The following C5orf34 variants were observed in gnomAD, a reference collection of about 807,000 sequenced individuals.
C5orf34 encodes uncharacterized protein C5orf34.
In C5orf34, 73 loss-of-function variants were observed where a neutral mutation model predicts 78.4. The ratio of observed to expected loss-of-function variants is 0.93; its 90% CI spans 0.77 to 1.13. The LOEUF (loss-of-function observed/expected upper bound fraction) is 1.13, where lower values mean the gene tolerates loss of function less well. Among genes scored for constraint, C5orf34 ranks in the 50% most tolerant of loss-of-function variants. The pLI, the probability that C5orf34 is intolerant of heterozygous loss-of-function variation, is 0.00. For missense variants in C5orf34, 730 were observed against 732.7 expected, an observed-to-expected ratio of 1.00 and a Z score of 0.04; for synonymous variants, 251 against 246.6, an observed-to-expected ratio of 1.02 and a Z score of -0.17.
In C5orf34 at chr5:43,508,583, T is replaced by C; in HGVS notation, c.279A>G (p.Arg93=). Residue 93 remains arginine (R), a synonymous_variant, in exon 3 of 13, where the codon AGA becomes AGG. Coordinates refer to ENST00000306862, the MANE Select transcript of C5orf34 (RefSeq NM_198566.4). ...ATGAAGTTAAAAAAATCACCTTTTTTCTTTCAGAAGGTATGATGGTTTCAG... is the reference window on the plus strand; with the variant it reads ...ATGAAGTTAAAAAAATCACCTTTTTCCTTTCAGAAGGTATGATGGTTTCAG... ...FLSETIIPSE[R]KKHIFIDITE... is the part of the protein sequence containing the mutation. 6.3e-7 allele frequency: 1 copy of C among 1,585,344 alleles called. No individual in the cohort carries two copies.
intron 10 of C5orf34, among the ~76,000 whole-genome samples, chr5:43,492,004 CAAAAAAAAAA>C (rs34983529): frequency 1.2e-5 from 1 of 85,538 alleles, no homozygotes; most frequent in Non-Finnish European, 2.3e-5. Flanking sequence ...AACTCTGTCT[CAAAAAAAAAA>C]AAAAAAAAAA....
chr5:43,495,597 CT>C (rs1745476471), intron 6 of C5orf34: 1 of 1,612,522 alleles, frequency 6.2e-7, no homozygotes, highest in African/African-American at 1.3e-5. Context: ...GATTTTACTT[CT>C]GTTGTAATGT....
chr5:43,509,457 TAAG>T (rs1181160282), intron 1 of C5orf34, 82 bp from the exon 2 acceptor site: 7 of 722,650 alleles, frequency 9.7e-6, no homozygotes, highest in African/African-American at 5.4e-5. Flanking sequence ...GTGCATTTTC[TAAG>T]AAGATGACAT....
intron 11 of C5orf34, among the ~76,000 whole-genome samples, chr5:43,489,071 C>G (rs1745169486): frequency 6.6e-6 from 1 of 151,966 alleles, no homozygotes; most frequent in South Asian, 2.1e-4. Context: ...ACCCCAACAA[C>G]CAGCTGATTG....
intron 8 of C5orf34, among the ~76,000 whole-genome samples, 198 bp downstream of exon 8, chr5:43,493,345 A>C (rs1384136120): frequency 6.6e-6 from 1 of 152,112 alleles, no homozygotes; most frequent in South Asian, 2.1e-4. Flanking sequence ...AATAAGAACC[A>C]TATACAATAA....
intron 6 of C5orf34, 67 bp from the exon 7 acceptor site, chr5:43,494,668 T>C (rs1745423771): frequency 3.7e-6 from 3 of 804,568 alleles, no homozygotes; most frequent in Admixed American, 2.1e-5. Context: ...TTAGCTGCTT[T>C]TCCTTGAAAT....
chr5:43,497,323 A>C (rs1417288299), intron 6 of C5orf34, among the ~76,000 whole-genome samples: 2 of 152,222 alleles, frequency 1.3e-5, no homozygotes, highest in East Asian at 3.8e-4. Flanking sequence ...TGGAGCAGAT[A>C]CTATGCGCTA....
chr5:43,495,411 G>A, intron 6 of C5orf34: 3 of 1,611,616 alleles, frequency 1.9e-6, no homozygotes, highest in Non-Finnish European at 2.5e-6. Context: ...ATTTGGCCTG[G>A]ATGGTTCAGG....
intron 3 of C5orf34, 148 bp from the exon 4 acceptor site, chr5:43,506,542 C>A: frequency 2.9e-6 from 2 of 690,514 alleles, no homozygotes. Context: ...AGGGCCAGAT[C>A]TCAGCCTATA....
intron 1 of C5orf34, among the ~76,000 whole-genome samples, chr5:43,512,995 A>G (rs1292156514): frequency 6.6e-6 from 1 of 151,696 alleles, no homozygotes; most frequent in Admixed American, 6.6e-5. Context: ...TGTTGGCCAG[A>G]ATGGTCTGGA....
At chr5:43,489,718 G>C (rs988324697) in intron 11 of C5orf34, among the ~76,000 whole-genome samples, 4 of 152,074 alleles carry the variant, frequency 2.6e-5, no homozygotes, top group African/African-American at 4.8e-5. Flanking sequence ...GATATGATTT[G>C]ATTTGTTCTA....
intron 11 of C5orf34, chr5:43,488,224 T>C (rs906675927): frequency 1.4e-4 from 61 of 437,110 alleles, no homozygotes; most frequent in Non-Finnish European, 1.8e-4. Context: ...ATAATGGGCC[T>C]TCCTGTTACT....
At chr5:43,507,609 A>T (rs1406855045) in intron 3 of C5orf34, among the ~76,000 whole-genome samples, 1 of 152,244 alleles carries the variant, frequency 6.6e-6, no homozygotes, top group Non-Finnish European at 1.5e-5. Context: ...GAGACAATAT[A>T]AAATTACTCA....
At chr5:43,488,162 C>T in intron 11 of C5orf34, 1 of 536,798 alleles carries the variant, frequency 1.9e-6, no homozygotes, top group Non-Finnish European at 3.3e-6. Context: ...TAAAAGTCTA[C>T]CCCTTGTAAA....
chr5:43,504,474 GACTTA>G (rs1215824326), intron 4 of C5orf34, among the ~76,000 whole-genome samples: 1 of 152,132 alleles, frequency 6.6e-6, no homozygotes, highest in African/African-American at 2.4e-5. Flanking sequence ...AATTGTATAG[GACTTA>G]ACTTGTTTAG....
intron 6 of C5orf34, among the ~76,000 whole-genome samples, chr5:43,498,869 C>T (rs1471112147): frequency 1.3e-5 from 2 of 152,228 alleles, no homozygotes; most frequent in African/African-American, 4.8e-5. Flanking sequence ...GATCTGGCTT[C>T]TTCTCTGGAC....
In C5orf34 at chr5:43,506,229, CTT is replaced by C; in HGVS notation, c.449_450del (p.Lys150SerfsTer2). The C allele has an allele frequency of 6.2e-7, 1 of 1,614,164 alleles. No individual in the cohort carries two copies. Among genetic ancestry groups the C allele is most frequent in the Non-Finnish European group, 8.5e-7 (1 of 1,180,032 alleles). ...GCAGATGAGTCTGACTTCTGGCTAA[CTT>C]TACACAAAAAATGTACTGTAAATTC... ...QHEFTVHFLC[K>X]VSQKSDSSAV... On this transcript the variant is annotated frameshift_variant, in exon 4 of 13. Coordinates refer to ENST00000306862, the MANE Select transcript of C5orf34 (RefSeq NM_198566.4). LOFTEE classifies it high-confidence loss of function.
At position 43,496,169 on chromosome 5, in the gene C5orf34, T is replaced by G. The variant is rs1745509124; in HGVS notation, c.1153-1568A>C. The stretch of plus-strand genomic sequence containing the variant: ...GTAATCATGTTTTTGATGAAGTCTC[T>G]GAGTCCTGGGGCATCAATGATAGTC... On this transcript the variant is annotated intron_variant, in intron 6 of 12. Transcript: ENST00000306862. 1.2e-5 allele frequency: 18 copies of G among 1,532,774 alleles called. 1 individual carries two copies. The South Asian group carries it at 2.0e-4, about 17-fold the overall frequency. 94.9% of individuals were successfully genotyped at this position (1,532,774 alleles called of 1,614,324 possible). A position where few individuals can be genotyped will look rare whatever the true frequency, so the allele number is the denominator to read the frequency against.
intron 11 of C5orf34, 55 bp downstream of exon 11, chr5:43,490,576 A>AT (rs1441110178): frequency 1.4e-4 from 169 of 1,176,306 alleles, no homozygotes; most frequent in East Asian, 5.0e-4. Context: ...TGACATTTTA[A>AT]TTTTTTTTAA....
Sources: gnomAD v4.1 joint callset for allele counts (sites outside exome capture counted in the v4.1 genomes callset) on GRCh38, gnomAD v4.1.1 for gene constraint, MANE v1.5 for transcripts, NCBI Gene and HGNC (gene_info 2026-07-23, HGNC 2026-07-21) for gene names.